Variants in FOXO1 observed in about 807,000 individuals in gnomAD.
FOXO1 encodes the protein forkhead box O1.
Under a neutral mutation model 44.1 loss-of-function variants are expected in FOXO1, and 6 were observed. The observed-to-expected ratio is 0.14, with a 90% CI of 0.07 to 0.27. The LOEUF is 0.27. Among genes scored for constraint, FOXO1 ranks in the 10% least tolerant of loss-of-function variants. FOXO1 has a pLI of 1.00. For synonymous variants in FOXO1, 380 were observed against 362.7 expected, an observed-to-expected ratio of 1.05 and a Z score of -0.54; for missense variants, 737 against 888.8, an observed-to-expected ratio of 0.83 and a Z score of 2.17.
intron 1 of FOXO1, among the ~76,000 whole-genome samples, chr13:40,631,373 TA>T (rs1024301988): frequency 3.3e-5 from 5 of 152,082 alleles, no homozygotes; most frequent in African/African-American, 1.2e-4. Context: ...AACATAGGGA[TA>T]AATCTTTCCG....
At chr13:40,615,397 T>G (rs1311926858) in intron 1 of FOXO1, among the ~76,000 whole-genome samples, 1 of 152,020 alleles carries the variant, frequency 6.6e-6, no homozygotes, top group African/African-American at 2.4e-5. Flanking sequence ...TAACCGGGCA[T>G]GGGGGTGCGC....
At chr13:40,653,250 A>G (rs2137935972) in intron 1 of FOXO1, among the ~76,000 whole-genome samples, 1 of 152,258 alleles carries the variant, frequency 6.6e-6, no homozygotes, top group African/African-American at 2.4e-5. Flanking sequence ...TACAGGCACG[A>G]GCCACCACGC....
At chr13:40,620,284 A>C in intron 1 of FOXO1, 2 of 1,150,290 alleles carry the variant, frequency 1.7e-6, no homozygotes, top group Non-Finnish European at 2.6e-6. Context: ...TATTGCAAAC[A>C]GAACTCATCC....
chr13:40,628,305 C>T (rs1876852146), intron 1 of FOXO1, among the ~76,000 whole-genome samples: 1 of 151,518 alleles, frequency 6.6e-6, no homozygotes, highest in Non-Finnish European at 1.5e-5. Flanking sequence ...CCAAACTGTA[C>T]ATTCTAAATA....
At chr13:40,591,710 T>C (rs554961112) in intron 1 of FOXO1, among the ~76,000 whole-genome samples, 29 of 152,278 alleles carry the variant, frequency 1.9e-4, no homozygotes, top group East Asian at 5.8e-4. Context: ...TAAAAATATA[T>C]ATATTTTTTG....
At position 40,636,070 on chromosome 13, in the gene FOXO1, C is replaced by T. The variant is rs549370180; in HGVS notation, c.630+29513G>A. On this transcript the variant is annotated intron_variant, in intron 1 of 2. Transcript: ENST00000379561. Reference sequence around the variant, plus strand: ...ACTAAAAATACAAATATTAGCCAGGCGTGGCATGGTGCGGTACACCTGTAG... The same window carrying T: ...ACTAAAAATACAAATATTAGCCAGGTGTGGCATGGTGCGGTACACCTGTAG... Among the ~76,000 whole-genome samples, 218 of 152,170 alleles carry T rather than the reference C, an allele frequency of 1.4e-3. 3 individuals are homozygous for T. The South Asian group carries it at 0.035, about 24-fold the overall frequency.
At chr13:40,663,402 C>T (rs1057190389) in intron 1 of FOXO1, among the ~76,000 whole-genome samples, 10 of 152,112 alleles carry the variant, frequency 6.6e-5, no homozygotes, top group African/African-American at 2.4e-4. Context: ...AAAAATATCC[C>T]AAAACACTTC....
At chr13:40,624,310 T>G (rs1159325368) in intron 1 of FOXO1, among the ~76,000 whole-genome samples, 1 of 80,504 alleles carries the variant, frequency 1.2e-5, no homozygotes, top group South Asian at 4.4e-4. Flanking sequence ...TAAAAACTAA[T>G]ACTGCTTAAA....
intron 1 of FOXO1, among the ~76,000 whole-genome samples, chr13:40,568,465 C>G (rs1874354869): frequency 6.6e-6 from 1 of 152,140 alleles, no homozygotes; most frequent in African/African-American, 2.4e-5. Context: ...CAACAGAGTT[C>G]CCATTAAGAG....
chr13:40,658,725 C>T (rs1450917004), intron 1 of FOXO1, among the ~76,000 whole-genome samples: 3 of 152,166 alleles, frequency 2.0e-5, no homozygotes, highest in African/African-American at 4.8e-5. Flanking sequence ...AAAAGGAAGA[C>T]GTGGCCGGGC....
At chr13:40,576,897 T>C (rs1874767860) in intron 1 of FOXO1, among the ~76,000 whole-genome samples, 2 of 152,330 alleles carry the variant, frequency 1.3e-5, no homozygotes, top group Admixed American at 1.3e-4. Flanking sequence ...ATTTTGAAGG[T>C]TTATTTTTGT....
chr13:40,577,901 C>A (rs1486652868), intron 1 of FOXO1, among the ~76,000 whole-genome samples: 4 of 152,104 alleles, frequency 2.6e-5, no homozygotes, highest in African/African-American at 9.7e-5. Flanking sequence ...TTTCAGATAT[C>A]AATGCAAAAT....
chr13:40,593,470 G>T (rs1218112814), intron 1 of FOXO1, among the ~76,000 whole-genome samples: 1 of 152,118 alleles, frequency 6.6e-6, no homozygotes, highest in African/African-American at 2.4e-5. Flanking sequence ...GGATGTCACT[G>T]TCTTCTTCCT....
chr13:40,638,698 G>T (rs938939184), intron 1 of FOXO1, among the ~76,000 whole-genome samples: 3 of 152,152 alleles, frequency 2.0e-5, no homozygotes, highest in Non-Finnish European at 2.9e-5. Flanking sequence ...GGAGGAGGGG[G>T]CCTAAGGTTT....
rs148195072 is a variant in FOXO1 at position 40,556,575 on chromosome 13, A to C, written c.*2474T>G. Reference sequence around the variant, plus strand: ...GAAAGTCAGTATTCTTACAGGAAAAAAACTACCAGAGGCCACATAATGTTT... The same window carrying C: ...GAAAGTCAGTATTCTTACAGGAAAACAACTACCAGAGGCCACATAATGTTT... On this transcript the variant is annotated 3_prime_UTR_variant, in exon 3 of 3. Transcript: ENST00000379561. 2 of 152,730 alleles carry C rather than the reference A, an allele frequency of 1.3e-5. No individual in the cohort carries two copies. The highest frequency in any genetic ancestry group is 4.8e-5 in the African/African-American group (2 of 41,582). 9.5% of individuals were successfully genotyped at this position (152,730 alleles called of 1,614,324 possible). A position where few individuals can be genotyped will look rare whatever the true frequency, so the allele number is the denominator to read the frequency against.
At chr13:40,600,579 AT>A (rs1715982609) in intron 1 of FOXO1, among the ~76,000 whole-genome samples, 1 of 152,350 alleles carries the variant, frequency 6.6e-6, no homozygotes. Context: ...AAAACACAAT[AT>A]TTCAGAAGCT....
chr13:40,660,548 G>C (rs1041973979), intron 1 of FOXO1, among the ~76,000 whole-genome samples: 1 of 152,170 alleles, frequency 6.6e-6, no homozygotes, highest in Non-Finnish European at 1.5e-5. Flanking sequence ...ACAAGGACAG[G>C]CAACATGTTT....
intron 1 of FOXO1, among the ~76,000 whole-genome samples, chr13:40,562,481 G>C (rs1414215889): frequency 1.3e-5 from 2 of 152,102 alleles, no homozygotes; most frequent in Non-Finnish European, 2.9e-5. Context: ...GTAAAGCAGG[G>C]CTAAATTACA....
Position 40,666,271 on chromosome 13 carries a change from G to C in FOXO1, c.-59C>G, listed in dbSNP as rs1878251430. Reference sequence around the variant, plus strand: ...GCCAAGAGGGGGAGAACGCAGCACTGGGGGCGGACGGGGAGGGGGCGCGAA... The same window carrying C: ...GCCAAGAGGGGGAGAACGCAGCACTCGGGGCGGACGGGGAGGGGGCGCGAA... On this transcript the variant is annotated 5_prime_UTR_variant, in exon 1 of 3. Coordinates refer to ENST00000379561, the MANE Select transcript of FOXO1 (RefSeq NM_002015.4). 2.3e-6 allele frequency: 3 copies of C among 1,298,746 alleles called. No individual in the cohort carries two copies. Among genetic ancestry groups the C allele is most frequent in the South Asian group, 1.9e-5 (1 of 51,348 alleles). The allele number at this position is 1,298,746 out of a possible 1,614,324, so 80.5% of individuals were successfully genotyped here.
Sources: allele counts gnomAD v4.1 joint callset (sites outside exome capture counted in the v4.1 genomes callset), GRCh38; gene constraint gnomAD v4.1.1; transcripts MANE v1.5; gene names NCBI Gene and HGNC (gene_info 2026-07-23, HGNC 2026-07-21).